SLC9A9: variants seen among roughly 807,000 people sequenced by gnomAD.
SLC9A9 encodes solute carrier family 9 member A9.
In SLC9A9, 62 loss-of-function variants were observed where a neutral mutation model predicts 77.8. The observed-to-expected ratio is 0.80, with a 90% CI of 0.65 to 0.98. The LOEUF is 0.98. Ranked by LOEUF, SLC9A9 falls within the 50% of genes least tolerant of loss-of-function variation. The pLI, the probability that SLC9A9 is intolerant of heterozygous loss-of-function variation, is 0.00. For missense variants in SLC9A9, 775 were observed against 774.9 expected (o/e 1.00, Z 0.00); for synonymous variants, 320 against 283.5 (o/e 1.13, Z -1.29).
At chr3:143,466,406 G>A (rs527717078) in intron 12 of SLC9A9, among the ~76,000 whole-genome samples, 13 of 152,282 alleles carry the variant, frequency 8.5e-5, no homozygotes, top group African/African-American at 2.6e-4. Flanking sequence ...CCAGCTACCC[G>A]TTTCTGTCAA....
chr3:143,304,070 T>C (rs1345949937), intron 14 of SLC9A9, among the ~76,000 whole-genome samples: 1 of 152,186 alleles, frequency 6.6e-6, no homozygotes, highest in African/African-American at 2.4e-5. Context: ...TGTGGGAAGA[T>C]GGCAACTAGA....
Position 143,600,373 on chromosome 3 carries a change from G to T in SLC9A9, c.756-21650C>A, listed in dbSNP as rs113414176. On this transcript the variant is annotated intron_variant, in intron 6 of 15. Transcript: ENST00000316549. ...GAAAATGTGGCACATATACACCATG[G>T]AATACTATACAGCCATAAGAAAGGA... Among the ~76,000 whole-genome samples the T allele has an allele frequency of 4.4e-3, 676 of 152,244 alleles. 5 individuals are homozygous for T. The highest frequency in any genetic ancestry group is 0.014 in the African/African-American group (590 of 41,534).
intron 4 of SLC9A9, among the ~76,000 whole-genome samples, chr3:143,784,899 C>T (rs143972066): frequency 7.9e-5 from 12 of 152,200 alleles, no homozygotes; most frequent in African/African-American, 2.9e-4. Flanking sequence ...AAAAGGATGC[C>T]AGAGAGCTCT....
intron 2 of SLC9A9, among the ~76,000 whole-genome samples, chr3:143,828,304 C>A (rs1004382114): frequency 6.6e-6 from 1 of 152,102 alleles, no homozygotes; most frequent in African/African-American, 2.4e-5. Context: ...ATGTGCTCTG[C>A]CAAGATCTCA....
intron 14 of SLC9A9, among the ~76,000 whole-genome samples, chr3:143,351,601 G>A (rs977709852): frequency 1.3e-5 from 2 of 152,176 alleles, no homozygotes; most frequent in African/African-American, 4.8e-5. Flanking sequence ...CAAAGAGTGG[G>A]ATTTGTAGAA....
In SLC9A9 at chr3:143,393,405, G is replaced by C. The variant is rs148703105; in HGVS notation, c.1470-11291C>G. ...TAAAGATGTTCTTTGAAACCAATGA[G>C]AACAAAGACACAACATACCAGAATC... On this transcript the variant is annotated intron_variant, in intron 12 of 15. Transcript: ENST00000316549. Among the ~76,000 whole-genome samples the C allele has an allele frequency of 4.2e-3, 643 of 152,246 alleles. 4 individuals are homozygous for C. The highest frequency in any genetic ancestry group is 0.022 in the Admixed American group (331 of 15,290).
At chr3:143,604,994 CA>C (rs1156621799) in intron 6 of SLC9A9, among the ~76,000 whole-genome samples, 1 of 152,156 alleles carries the variant, frequency 6.6e-6, no homozygotes, top group Non-Finnish European at 1.5e-5. Flanking sequence ...TTAAGCGTCA[CA>C]AAGGGACAAA....
chr3:143,481,612 A>T (rs757784509), intron 11 of SLC9A9, among the ~76,000 whole-genome samples: 1 of 152,220 alleles, frequency 6.6e-6, no homozygotes, highest in Non-Finnish European at 1.5e-5. Flanking sequence ...AATTGAGATT[A>T]TGTTCTGAAA....
At position 143,339,490 on chromosome 3, in the gene SLC9A9, G is replaced by A. The variant is rs370445270; in HGVS notation, c.1604+23994C>T. 3.4e-3 allele frequency among the ~76,000 whole-genome samples: 511 copies of A among 150,168 alleles called. 2 individuals carry two copies. Among genetic ancestry groups the A allele is most frequent in the African/African-American group, 0.012 (490 of 40,342 alleles). ...CTGCTCATTTCTTATGCAGTAGATA[G>A]CATTCCTTTTCCCTGCTATCTTCTT... On this transcript the variant is annotated intron_variant, in intron 14 of 15. Coordinates refer to ENST00000316549, the MANE Select transcript of SLC9A9 (RefSeq NM_173653.4).
chr3:143,397,475 T>C (rs759988341), intron 12 of SLC9A9, among the ~76,000 whole-genome samples: 41 of 152,168 alleles, frequency 2.7e-4, no homozygotes, highest in Non-Finnish European at 5.4e-4. Flanking sequence ...CATAAATGGT[T>C]GAAAAACAAA....
intron 12 of SLC9A9, among the ~76,000 whole-genome samples, chr3:143,411,040 A>T (rs1365566466): frequency 6.6e-6 from 1 of 152,244 alleles, no homozygotes; most frequent in Non-Finnish European, 1.5e-5. Context: ...TTCCAGCTGA[A>T]TAATACTTTG....
At chr3:143,790,233 A>G (rs928611462) in intron 4 of SLC9A9, among the ~76,000 whole-genome samples, 18 of 152,206 alleles carry the variant, frequency 1.2e-4, no homozygotes, top group African/African-American at 4.1e-4. Flanking sequence ...CGGAACTGTG[A>G]GTCAATTAAA....
At chr3:143,283,839 C>A (rs1472561330) in intron 14 of SLC9A9, among the ~76,000 whole-genome samples, 2 of 152,168 alleles carry the variant, frequency 1.3e-5, no homozygotes, top group African/African-American at 2.4e-5. Context: ...TGTAAACTGG[C>A]ATGGCTGAGA....
intron 6 of SLC9A9, among the ~76,000 whole-genome samples, chr3:143,583,295 A>C (rs2037487292): frequency 6.6e-6 from 1 of 152,240 alleles, no homozygotes; most frequent in African/African-American, 2.4e-5. Flanking sequence ...CCTATACTCA[A>C]AAATAAATGT....
intron 14 of SLC9A9, among the ~76,000 whole-genome samples, chr3:143,324,512 T>G (rs139127854): frequency 3.3e-5 from 5 of 152,306 alleles, no homozygotes; most frequent in African/African-American, 1.2e-4. Flanking sequence ...GCCAACGAAC[T>G]GTGGATGCTC....
intron 12 of SLC9A9, among the ~76,000 whole-genome samples, chr3:143,460,630 C>T (rs1223633248): frequency 1.3e-5 from 2 of 152,076 alleles, no homozygotes; most frequent in Non-Finnish European, 2.9e-5. Context: ...GAGAAGACGA[C>T]TAAGAACATG....
chr3:143,477,551 T>TA (rs1177620631), intron 11 of SLC9A9, among the ~76,000 whole-genome samples: 1 of 151,918 alleles, frequency 6.6e-6, no homozygotes, highest in African/African-American at 2.4e-5. Flanking sequence ...AGCAGCCTTG[T>TA]TATATTTGAA....
intron 13 of SLC9A9, among the ~76,000 whole-genome samples, chr3:143,365,317 T>C (rs1302006068): frequency 2.0e-5 from 3 of 152,154 alleles, no homozygotes; most frequent in Admixed American, 6.5e-5. Context: ...TAACTATTGG[T>C]ACTAGACTTA....
chr3:143,696,871 A>C (rs1020679831), intron 4 of SLC9A9, among the ~76,000 whole-genome samples: 3 of 152,130 alleles, frequency 2.0e-5, no homozygotes, highest in African/African-American at 7.2e-5. Context: ...GCTGGAAACG[A>C]AATTAAAGTT....
Sources: gnomAD v4.1 joint callset for allele counts (sites outside exome capture counted in the v4.1 genomes callset) on GRCh38, gnomAD v4.1.1 for gene constraint, MANE v1.5 for transcripts, NCBI Gene and HGNC (gene_info 2026-07-23, HGNC 2026-07-21) for gene names.